The following SEC23A variants were observed in gnomAD, a reference collection of about 807,000 sequenced individuals.
The protein encoded by SEC23A is SEC23 homolog A, COPII component.
SEC23A carries 56 observed loss-of-function variants against 103.7 expected under a neutral mutation model. The ratio of observed to expected loss-of-function variants is 0.54; its 90% confidence interval spans 0.44 to 0.67. SEC23A has a LOEUF of 0.67. SEC23A is among the 30% of genes least tolerant of loss of function. The probability of loss-of-function intolerance (pLI) is 0.00; values close to 1 mark genes in which losing one functional copy is unlikely to be tolerated. For synonymous variants in SEC23A, 281 were observed against 293.0 expected, an observed-to-expected ratio of 0.96 and a Z score of 0.42; for missense variants, 784 against 936.4, an observed-to-expected ratio of 0.84 and a Z score of 2.12.
intron 15 of SEC23A, among the ~76,000 whole-genome samples, chr14:39,046,791 C>G (rs1226879496): frequency 6.6e-6 from 1 of 152,182 alleles, no homozygotes; most frequent in Non-Finnish European, 1.5e-5. Context: ...GACAGTTACA[C>G]TGGGTCTTTG....
chr14:39,095,831 T>C, intron 2 of SEC23A, 67 bp downstream of exon 2: 1 of 1,221,594 alleles, frequency 8.2e-7, no homozygotes, highest in Non-Finnish European at 1.2e-6. Flanking sequence ...TTTATAAAAA[T>C]ATGCAGAAAA....
chr14:39,047,424 AG>A, intron 15 of SEC23A: 1 of 1,288,262 alleles, frequency 7.8e-7, no homozygotes, highest in Middle Eastern at 2.1e-4. Flanking sequence ...CAGAGGTTTT[AG>A]GGAAGTCTCT....
At chr14:39,080,654 C>T (rs905136443) in intron 7 of SEC23A, among the ~76,000 whole-genome samples, 25 of 152,310 alleles carry the variant, frequency 1.6e-4, no homozygotes, top group Middle Eastern at 3.4e-3. Flanking sequence ...AATCCGCCTG[C>T]CTCGGCCTCC....
At chr14:39,097,177 G>A (rs1172252583) in intron 1 of SEC23A, among the ~76,000 whole-genome samples, 2 of 152,194 alleles carry the variant, frequency 1.3e-5, no homozygotes, top group African/African-American at 4.8e-5. Flanking sequence ...TCTGGGGAGG[G>A]ACCAGTATCA....
rs983099518 is a variant in SEC23A at position 39,096,159 on chromosome 14, T to TAAA, written c.-21-21_-21-20insTTT. The stretch of plus-strand genomic sequence containing the variant: ...TTATTTCTGTATCAAAATTTTAAAA[T>TAAA]ATTTTAAAATCCAGGATCCTCTTAA... On this transcript the variant is annotated intron_variant, in intron 1 of 19. Coordinates refer to ENST00000307712, the MANE Select transcript of SEC23A (RefSeq NM_006364.4). 6.8e-7 allele frequency: 1 copy of TAAA among 1,468,704 alleles called. No homozygotes were observed. Among genetic ancestry groups the TAAA allele is most frequent in the Non-Finnish European group, 9.5e-7 (1 of 1,048,168 alleles). The allele number at this position is 1,468,704 out of a possible 1,614,324, so 91.0% of individuals were successfully genotyped here. A position where few individuals can be genotyped will look rare whatever the true frequency, so the allele number is the denominator to read the frequency against.
intron 2 of SEC23A, among the ~76,000 whole-genome samples, chr14:39,094,209 T>C (rs1594485591): frequency 7.4e-6 from 1 of 134,744 alleles, no homozygotes; most frequent in Non-Finnish European, 1.6e-5. Flanking sequence ...TATATATATA[T>C]GCATATATAC....
chr14:39,100,669 T>C (rs1366853130), intron 1 of SEC23A, among the ~76,000 whole-genome samples: 1 of 151,962 alleles, frequency 6.6e-6, no homozygotes, highest in African/African-American at 2.4e-5. Context: ...CACCTCAGCC[T>C]CCCAAAGTGC....
intron 5 of SEC23A, 142 bp downstream of exon 5, chr14:39,091,335 C>T (rs1168310076): frequency 1.5e-6 from 1 of 653,582 alleles, no homozygotes; most frequent in Non-Finnish European, 2.7e-6. Context: ...CTGAAGCCAG[C>T]ACTGAATTTA....
At chr14:39,076,245 G>C in intron 7 of SEC23A, 152 bp from the exon 8 acceptor site, 1 of 747,012 alleles carries the variant, frequency 1.3e-6, no homozygotes, top group Non-Finnish European at 2.1e-6. Context: ...TAAAAACAAA[G>C]GTATCTGAAC....
At chr14:39,100,790 T>C (rs1476476149) in intron 1 of SEC23A, among the ~76,000 whole-genome samples, 1 of 152,174 alleles carries the variant, frequency 6.6e-6, no homozygotes, top group East Asian at 1.9e-4. Context: ...CATAAAAGTA[T>C]TAAACCAAAG....
chr14:39,049,345 G>T (rs949183215), intron 14 of SEC23A, among the ~76,000 whole-genome samples: 1 of 151,534 alleles, frequency 6.6e-6, no homozygotes, highest in Admixed American at 6.6e-5. Context: ...GCATGGTGGT[G>T]CGCGCCTGTA....
chr14:39,067,329 G>A, intron 9 of SEC23A, 33 bp from the exon 10 acceptor site: 1 of 1,611,486 alleles, frequency 6.2e-7, no homozygotes. Context: ...CAACATACTT[G>A]ACACAGTTAC....
chr14:39,089,141 G>A (rs555089591), intron 5 of SEC23A, among the ~76,000 whole-genome samples: 1 of 148,322 alleles, frequency 6.7e-6, no homozygotes, highest in Admixed American at 6.8e-5. Flanking sequence ...ACTCCAGCCT[G>A]GGTGACAGAG....
At chr14:39,045,910 CCCA>C (rs1885817367) in intron 15 of SEC23A, among the ~76,000 whole-genome samples, 1 of 15,044 alleles carries the variant, frequency 6.6e-5, no homozygotes, top group Non-Finnish European at 1.6e-4. Context: ...TGGCTACATC[CCCA>C]CCCACCCACA....
intron 16 of SEC23A, among the ~76,000 whole-genome samples, chr14:39,043,461 A>G (rs1291372515): frequency 6.6e-6 from 1 of 151,132 alleles, no homozygotes; most frequent in East Asian, 2.0e-4. Flanking sequence ...TAAATGGGGA[A>G]AGGCCTGGGA....
intron 10 of SEC23A, among the ~76,000 whole-genome samples, chr14:39,065,429 T>C (rs1007971848): frequency 1.2e-4 from 18 of 152,082 alleles, no homozygotes; most frequent in African/African-American, 4.3e-4. Context: ...ATTGGAAAGC[T>C]TACTTTTGTT....
chr14:39,058,303 A>AT (rs1402385115), intron 13 of SEC23A, among the ~76,000 whole-genome samples: 17 of 146,204 alleles, frequency 1.2e-4, no homozygotes, highest in African/African-American at 2.0e-4. Context: ...TTTTTTTTTA[A>AT]TTTTTTTTAT....
In SEC23A at chr14:39,061,519, G is replaced by C. The variant is rs961757762; in HGVS notation, c.1505+246C>G. Among the ~76,000 whole-genome samples the C allele has an allele frequency of 1.6e-4, 24 of 152,030 alleles. No homozygotes were observed. The Middle Eastern group carries it at 0.01, about 65-fold the overall frequency. On this transcript the variant is annotated intron_variant, in intron 13 of 19. Coordinates refer to ENST00000307712, the MANE Select transcript of SEC23A (RefSeq NM_006364.4). The stretch of plus-strand genomic sequence containing the variant: ...ATATCTGATTTTTCTCCTCTCACAG[G>C]AATGAGGTAAATAAAATAATATTTT...
chr14:39,061,179 C>T (rs980064692), intron 13 of SEC23A, among the ~76,000 whole-genome samples: 3 of 151,508 alleles, frequency 2.0e-5, no homozygotes, highest in African/African-American at 4.9e-5. Context: ...CATCTGTACC[C>T]GAAGGATTAG....
Sources: gnomAD v4.1 joint callset for allele counts (sites outside exome capture counted in the v4.1 genomes callset) on GRCh38, gnomAD v4.1.1 for gene constraint, MANE v1.5 for transcripts, NCBI Gene and HGNC (gene_info 2026-07-23, HGNC 2026-07-21) for gene names.